The following CHERP variants were observed in gnomAD, a reference collection of about 807,000 sequenced individuals.
CHERP encodes the protein calcium homeostasis endoplasmic reticulum protein, also known as ERPROT 213-21.
Under a neutral mutation model 113.8 loss-of-function variants are expected in CHERP, and 8 were observed. That is an observed-to-expected ratio of 0.07 (90% confidence interval 0.04 to 0.13). CHERP has a LOEUF of 0.13. CHERP is among the 10% of genes least tolerant of loss of function. The pLI is 1.00. For synonymous variants in CHERP, 559 were observed against 524.5 expected (o/e 1.07, Z -0.90); for missense variants, 884 against 1,298.2 (o/e 0.68, Z 4.90).
chr19:16,541,657 A>G, intron 2 of CHERP: 2 of 501,480 alleles, frequency 4.0e-6, no homozygotes, highest in Non-Finnish European at 7.0e-6. Context: ...CCCAGGGGGG[A>G]GGATCGAAAA....
Position 16,530,992 on chromosome 19 carries a change from C to A in CHERP, c.675-112G>T. The A allele has an allele frequency of 6.7e-7, 1 of 1,486,118 alleles. No individual in the cohort carries two copies. Among genetic ancestry groups the A allele is most frequent in the South Asian group, 1.3e-5 (1 of 78,306 alleles). The allele number at this position is 1,486,118 out of a possible 1,614,324, so 92.1% of individuals were successfully genotyped here. ...CCCTCTGCCTTCTCGGGAATCGGGT[C>A]CCCAACCCGGTCAGGGCGATGGCTG... On this transcript the variant is annotated intron_variant, in intron 5 of 16. Transcript: ENST00000546361. This position sits in a 1 kb window ranked among gnomAD's most constrained non-coding sequence, Gnocchi z 4.1.
chr19:16,520,566 C>A lies in CHERP; in HGVS notation c.2202-59G>T. On this transcript the variant is annotated intron_variant, in intron 13 of 16. Transcript: ENST00000546361. This position sits in a 1 kb window ranked among gnomAD's most constrained non-coding sequence, Gnocchi z 4.0. ...GTGGATGGGCTGCACCCAGCCCACC[C>A]TGGCCCTCAGGTTCCTAGACCACCC... 6.4e-7 allele frequency: 1 copy of A among 1,566,886 alleles called. No individual in the cohort carries two copies. The highest frequency in any genetic ancestry group is 1.2e-5 in the South Asian group (1 of 83,270).
rs2085735100 is a variant in CHERP, at chr19:16,535,480, T to TGCTGCTGGAGGTTCCACTGGC, written c.335_355dup (p.Gln118_Gln119insArgGlnTrpAsnLeuGlnGln). ...TCTGAGCGCCAGCAAGTGCTGCTCC[T>TGCTGCTGGAGGTTCCACTGGC]GCTGCTGGAGGTTCCACTGGCTCTG... is the stretch of plus-strand genomic sequence containing the variant. On this transcript the variant is annotated inframe_insertion, in exon 3 of 17. Transcript: ENST00000546361. This position sits in a 1 kb window ranked among gnomAD's most constrained non-coding sequence, Gnocchi z 4.3. 6.2e-7 allele frequency: 1 copy of TGCTGCTGGAGGTTCCACTGGC among 1,609,818 alleles called. No homozygotes were observed. Among genetic ancestry groups the TGCTGCTGGAGGTTCCACTGGC allele is most frequent in the Non-Finnish European group, 8.5e-7 (1 of 1,178,316 alleles).
In CHERP at chr19:16,542,040, T is replaced by G; in HGVS notation, c.29A>C (p.Gln10Pro). 6.2e-7 allele frequency: 1 copy of G among 1,610,602 alleles called. No homozygotes were observed. The highest frequency in any genetic ancestry group is 8.5e-7 in the Non-Finnish European group (1 of 1,178,736). Reference sequence around the variant, plus strand: ...CTTGTCGATGACATTTCGAAGCTCCTGGTCTGGAGGACGGAGAAAAGGCCA... The same window carrying G: ...CTTGTCGATGACATTTCGAAGCTCCGGGTCTGGAGGACGGAGAAAAGGCCA... MEMPLPPDD[Q>P]ELRNVIDKLA... is the part of the protein sequence containing the mutation. Residue 10 changes from glutamine to proline, a missense_variant, in exon 2 of 17, where the codon CAG becomes CCG. Coordinates refer to ENST00000546361, the MANE Select transcript of CHERP (RefSeq NM_006387.6).
chr19:16,528,909 C>T (rs899863944), intron 8 of CHERP, among the ~76,000 whole-genome samples: 6 of 152,148 alleles, frequency 3.9e-5, no homozygotes, highest in Admixed American at 6.5e-5. Context: ...GCTGAGATCA[C>T]GCCACTGCAC....
chr19:16,539,273 A>G (rs377312041), intron 2 of CHERP, among the ~76,000 whole-genome samples: 104 of 147,596 alleles, frequency 7.0e-4, no homozygotes, highest in African/African-American at 1.1e-3. Context: ...TCAGCCTCCC[A>G]AGTAGCTGGG....
At chr19:16,537,389 T>C (rs1166379796) in intron 2 of CHERP, among the ~76,000 whole-genome samples, 1 of 152,024 alleles carries the variant, frequency 6.6e-6, no homozygotes, top group African/African-American at 2.4e-5. Context: ...CCGGGCAACA[T>C]GAGCTACTCA....
intron 9 of CHERP, among the ~76,000 whole-genome samples, chr19:16,527,754 T>C (rs1162293556): frequency 6.6e-6 from 1 of 152,132 alleles, no homozygotes; most frequent in Non-Finnish European, 1.5e-5. Flanking sequence ...TCAACTAGCT[T>C]AACCTGTTTA....
chr19:16,524,742 T>A (rs180748714), intron 10 of CHERP, among the ~76,000 whole-genome samples: 1 of 151,804 alleles, frequency 6.6e-6, no homozygotes, highest in East Asian at 1.9e-4. Flanking sequence ...AAAATAAAAT[T>A]TTTTTAAAAA....
At chr19:16,541,284 C>T (rs1183887262) in intron 2 of CHERP, 1 of 152,226 alleles carries the variant, frequency 6.6e-6, no homozygotes, top group East Asian at 1.9e-4. Context: ...TGATACCTGC[C>T]CTGAGCAGCC....
At position 16,535,728 on chromosome 19, in the gene CHERP, TC is replaced by T. The variant is rs1297011242; in HGVS notation, c.200-93del. 7 of 1,246,762 alleles carry T rather than the reference TC, an allele frequency of 5.6e-6. No individual in the cohort carries two copies. The highest frequency in any genetic ancestry group is 5.4e-6 in the Non-Finnish European group (5 of 927,530). The allele number at this position is 1,246,762 out of a possible 1,614,324, so 77.2% of individuals were successfully genotyped here. On this transcript the variant is annotated intron_variant, in intron 2 of 16. Transcript: ENST00000546361. This position sits in a 1 kb window ranked among gnomAD's most constrained non-coding sequence, Gnocchi z 4.3. ...CCTCTCAGCCACAGGGGCCTCCCCCTCCCCAGGGACTCACCATCCACGAGGG... is the reference window on the plus strand; with the variant it reads ...CCTCTCAGCCACAGGGGCCTCCCCCTCCCAGGGACTCACCATCCACGAGGG...
chr19:16,527,383 AACC>A (rs1385775854), intron 9 of CHERP, among the ~76,000 whole-genome samples: 1 of 152,176 alleles, frequency 6.6e-6, no homozygotes, highest in East Asian at 1.9e-4. Flanking sequence ...TCAAAGCCAC[AACC>A]ACCAAGTCTC....
intron 12 of CHERP, 124 bp downstream of exon 12, chr19:16,521,397 G>T (rs942990056): frequency 3.7e-6 from 3 of 814,622 alleles, no homozygotes; most frequent in African/African-American, 1.7e-5. Flanking sequence ...TCACTCAGGC[G>T]GGGGGAGGGC....
At chr19:16,536,005 G>A (rs910683137) in intron 2 of CHERP, among the ~76,000 whole-genome samples, 1 of 152,128 alleles carries the variant, frequency 6.6e-6, no homozygotes, top group African/African-American at 2.4e-5. Context: ...CCAGGCCTCA[G>A]TACCTCTCAT....
Position 16,521,544 on chromosome 19 carries a change from C to T in CHERP, c.2091G>A (p.Pro697=), listed in dbSNP as rs779299952. The T allele has an allele frequency of 2.0e-5, 32 of 1,600,104 alleles. No individual in the cohort carries two copies. The highest frequency in any genetic ancestry group is 2.6e-5 in the Non-Finnish European group (31 of 1,175,188). ...LAAVEAFYSP[P]SHDRPRNSEG... ...ACCTGTTCCTGGGCCTGTCGTGGGA[C>T]GGGGGGCTGTAGAAGGCCTCCACTG... The change falls in exon 12 of 17, where the codon CCG becomes CCA. Residue 697 remains proline (P), a synonymous_variant. Coordinates refer to ENST00000546361, the MANE Select transcript of CHERP (RefSeq NM_006387.6).
chr19:16,541,111 C>A (rs893727591), intron 2 of CHERP: 1 of 152,054 alleles, frequency 6.6e-6, no homozygotes, highest in African/African-American at 2.4e-5. Flanking sequence ...CTCGCCGAAG[C>A]CAAACAGACC....
At position 16,532,398 on chromosome 19, in the gene CHERP, C is replaced by T; in HGVS notation, c.674+200G>A. ...GAGGACAGGGCATGCAGCGAAGGTG[C>T]ACAGGACACCTAGACCTCGCAGTCC... is the stretch of plus-strand genomic sequence containing the variant. On this transcript the variant is annotated intron_variant, in intron 5 of 16. Coordinates refer to ENST00000546361, the MANE Select transcript of CHERP (RefSeq NM_006387.6). This position sits in a 1 kb window ranked among gnomAD's most constrained non-coding sequence, Gnocchi z 4.4. The T allele has an allele frequency of 1.6e-6, 1 of 619,880 alleles. No homozygotes were observed. The highest frequency in any genetic ancestry group is 2.8e-6 in the Non-Finnish European group (1 of 363,304). 38.4% of individuals were successfully genotyped at this position (619,880 alleles called of 1,614,324 possible). A position where few individuals can be genotyped will look rare whatever the true frequency, so the allele number is the denominator to read the frequency against.
At chr19:16,531,719 A>T (rs1448152497) in intron 5 of CHERP, among the ~76,000 whole-genome samples, 2 of 152,142 alleles carry the variant, frequency 1.3e-5, no homozygotes, top group Non-Finnish European at 2.9e-5. Context: ...CATGAGGAGG[A>T]GCAGAAGGGC....
intron 1 of CHERP, 101 bp from the exon 2 acceptor site, chr19:16,542,144 G>T: frequency 7.3e-7 from 1 of 1,374,148 alleles, no homozygotes. Flanking sequence ...GGGACCCCAA[G>T]GGGGTGGGCC....
Sources: allele counts gnomAD v4.1 joint callset (sites outside exome capture counted in the v4.1 genomes callset), GRCh38; gene constraint gnomAD v4.1.1; non-coding constraint Gnocchi (gnomAD v3.1); transcripts MANE v1.5; gene names NCBI Gene and HGNC (gene_info 2026-07-23, HGNC 2026-07-21).